The following CASD1 variants were observed in gnomAD, a reference collection of about 807,000 sequenced individuals.
The protein encoded by CASD1 is N-acetylneuraminate (7)9-O-acetyltransferase.
Under a neutral mutation model 100.0 loss-of-function variants are expected in CASD1, and 41 were observed. The observed-to-expected ratio is 0.41, with a 90% CI of 0.32 to 0.53. The LOEUF is 0.53. CASD1 is among the 20% of genes least tolerant of loss of function. The pLI, the probability that CASD1 is intolerant of heterozygous loss-of-function variation, is 0.25. For synonymous variants in CASD1, 321 were observed against 315.6 expected (o/e 1.02, Z -0.18); for missense variants, 774 against 948.7 (o/e 0.82, Z 2.42).
At chr7:94,609,167 T>C in the CASD1 span, among the ~76,000 whole-genome samples, 8 of 152,206 alleles carry the variant, frequency 5.3e-5, no homozygotes, top group Non-Finnish European at 1.2e-4. Flanking sequence ...GCATATCTGA[T>C]AAAGGACTGT....
the CASD1 span, chr7:94,586,891 G>A: frequency 4.1e-5 from 40 of 984,848 alleles, no homozygotes; most frequent in Non-Finnish European, 4.7e-5. Flanking sequence ...TCTCCCTTTG[G>A]CACTTAAGAT....
At position 94,509,962 on chromosome 7, in the gene CASD1, G is replaced by A; in HGVS notation, c.-123G>A. The A allele has an allele frequency of 8.2e-7, 1 of 1,215,862 alleles. No homozygotes were observed. The highest frequency in any genetic ancestry group is 1.0e-6 in the Non-Finnish European group (1 of 969,500). 75.3% of individuals were successfully genotyped at this position (1,215,862 alleles called of 1,614,324 possible). On this transcript the variant is annotated 5_prime_UTR_variant, in exon 1 of 18. Coordinates refer to ENST00000297273, the MANE Select transcript of CASD1 (RefSeq NM_022900.5). ...GTCAGGTTCCCCGGCGGGAGGCGCA[G>A]GTGGCGGCCTGGGGAGCTGGCGGCC...
At position 94,510,214 on chromosome 7, in the gene CASD1, C is replaced by G. The variant is rs1420920989; in HGVS notation, c.130C>G (p.Arg44Gly). The change falls in exon 1 of 18, where the codon CGA becomes GGA. Residue 44 changes from arginine to glycine, a missense_variant. Coordinates refer to ENST00000297273, the MANE Select transcript of CASD1 (RefSeq NM_022900.5). ...AACHLASRRY[R>G]GNDSCEYLLS... ...GTGCCACCTCGCCTCCCGCCGCTAC[C>G]GAGGTGAGCGGGCCCTCCCCTCTGC... is the stretch of plus-strand genomic sequence containing the variant. 2.0e-6 allele frequency: 3 copies of G among 1,504,064 alleles called. No individual in the cohort carries two copies. Among genetic ancestry groups the G allele is most frequent in the East Asian group, 2.7e-5 (1 of 36,466 alleles). 93.2% of individuals were successfully genotyped at this position (1,504,064 alleles called of 1,614,324 possible).
the CASD1 span, among the ~76,000 whole-genome samples, chr7:94,590,338 TAGG>T: frequency 2.0e-5 from 3 of 152,114 alleles, no homozygotes; most frequent in Non-Finnish European, 4.4e-5. Flanking sequence ...ACCCACAAAT[TAGG>T]TTACCATTTA....
chr7:94,564,798 A>G, the CASD1 span, among the ~76,000 whole-genome samples: 1 of 152,216 alleles, frequency 6.6e-6, no homozygotes, highest in African/African-American at 2.4e-5. Context: ...AACAGCAACA[A>G]TCACATTAGT....
intron 10 of CASD1, among the ~76,000 whole-genome samples, chr7:94,541,537 GTTTTTTTTTT>G (rs56786123): frequency 5.0e-5 from 3 of 60,116 alleles, no homozygotes; most frequent in South Asian, 1.1e-3. Context: ...TGTTCCACTG[GTTTTTTTTTT>G]TTTTTTTTTT....
At chr7:94,616,683 A>T in the CASD1 span, among the ~76,000 whole-genome samples, 1 of 152,168 alleles carries the variant, frequency 6.6e-6, no homozygotes, top group Non-Finnish European at 1.5e-5. Context: ...GGGCTAAAAA[A>T]TTGTTTCTAT....
chr7:94,554,975 C>G (rs1796133804), intron 17 of CASD1, among the ~76,000 whole-genome samples: 1 of 151,862 alleles, frequency 6.6e-6, no homozygotes, highest in Admixed American at 6.6e-5. Flanking sequence ...TTTATTGATG[C>G]ATACCATAAT....
chr7:94,602,216 C>T, the CASD1 span, among the ~76,000 whole-genome samples: 1 of 152,048 alleles, frequency 6.6e-6, no homozygotes, highest in Non-Finnish European at 1.5e-5. Context: ...ATCGTTAGCA[C>T]CATGATTGAA....
intron 7 of CASD1, among the ~76,000 whole-genome samples, chr7:94,534,079 G>A (rs1270144929): frequency 6.6e-6 from 1 of 151,088 alleles, no homozygotes; most frequent in Non-Finnish European, 1.5e-5. Context: ...AATGACATGT[G>A]GTATCCCTGA....
chr7:94,629,645 A>G, the CASD1 span: 19 of 1,267,572 alleles, frequency 1.5e-5, no homozygotes, highest in Middle Eastern at 1.9e-4. Context: ...ATTTTATCAT[A>G]TATGTCTATA....
At chr7:94,517,226 G>C (rs1259293702) in intron 1 of CASD1, among the ~76,000 whole-genome samples, 2 of 152,096 alleles carry the variant, frequency 1.3e-5, no homozygotes, top group Non-Finnish European at 2.9e-5. Context: ...TTCATTCTCA[G>C]CTATAAGTAG....
intron 1 of CASD1, among the ~76,000 whole-genome samples, chr7:94,515,720 C>T (rs1793946856): frequency 6.6e-6 from 1 of 151,730 alleles, no homozygotes; most frequent in Non-Finnish European, 1.5e-5. Flanking sequence ...AATAACAACA[C>T]CCCCCTCCCC....
chr7:94,615,132 G>C, the CASD1 span, among the ~76,000 whole-genome samples: 2 of 152,142 alleles, frequency 1.3e-5, no homozygotes, highest in Non-Finnish European at 2.9e-5. Context: ...AGGCCAAGGC[G>C]GGTGGATCAT....
chr7:94,603,232 C>G, the CASD1 span: 1 of 1,403,108 alleles, frequency 7.1e-7, no homozygotes, highest in Non-Finnish European at 1.0e-6. Flanking sequence ...TTTAGTCAAA[C>G]GTTAACTCCA....
the CASD1 span, chr7:94,625,537 T>A: frequency 3.3e-5 from 5 of 152,114 alleles, no homozygotes; most frequent in African/African-American, 7.2e-5. Flanking sequence ...CTGGATTTGG[T>A]GTTTAACGAT....
Position 94,517,662 on chromosome 7 carries a change from A to C in CASD1, c.230+6A>C. On this transcript the variant is annotated splice_donor_region_variant and intron_variant, in intron 2 of 17. Transcript: ENST00000297273. ...ATGCATAAATACAAAATCAGGTAAC[A>C]TTTCTTCATTTTGTTGTTTTCTTTT... The C allele has an allele frequency of 1.3e-6, 2 of 1,559,316 alleles. No individual in the cohort carries two copies. Among genetic ancestry groups the C allele is most frequent in the Non-Finnish European group, 1.8e-6 (2 of 1,134,876 alleles).
At chr7:94,548,509 A>G (rs1795789997) in intron 13 of CASD1, among the ~76,000 whole-genome samples, 1 of 151,740 alleles carries the variant, frequency 6.6e-6, no homozygotes, top group Non-Finnish European at 1.5e-5. Flanking sequence ...ACTCTTAGTA[A>G]AAATCATCCT....
chr7:94,570,953 G>GTAC, the CASD1 span, among the ~76,000 whole-genome samples: 1 of 151,694 alleles, frequency 6.6e-6, no homozygotes, highest in African/African-American at 2.4e-5. Context: ...TTACCCTGAA[G>GTAC]TACTACCTTG....
Sources: gnomAD v4.1 joint callset for allele counts (sites outside exome capture counted in the v4.1 genomes callset) on GRCh38, gnomAD v4.1.1 for gene constraint, MANE v1.5 for transcripts, NCBI Gene and HGNC (gene_info 2026-07-23, HGNC 2026-07-21) for gene names.